Variants in MCPH1 observed in about 807,000 individuals in gnomAD.
MCPH1 encodes the protein microcephalin 1, also known as microcephalin.
Under a neutral mutation model 84.5 loss-of-function variants are expected in MCPH1, and 104 were observed. The observed-to-expected ratio is 1.23, with a 90% confidence interval of 1.05 to 1.45. MCPH1 has a LOEUF of 1.45. Ranked by LOEUF, MCPH1 falls within the 40% of genes most tolerant of loss-of-function variation. The pLI is 0.00. For synonymous variants in MCPH1, 514 were observed against 366.8 expected, an observed-to-expected ratio of 1.40 and a Z score of -4.58; for missense variants, 1,498 against 1,005.7, an observed-to-expected ratio of 1.49 and a Z score of -6.62.
chr8:6,553,813 T>C (rs1824111380), intron 12 of MCPH1, among the ~76,000 whole-genome samples: 1 of 152,142 alleles, frequency 6.6e-6, no homozygotes, highest in Non-Finnish European at 1.5e-5. Flanking sequence ...ACGGTCCTTA[T>C]AAAGTCCCAC....
chr8:6,622,110 C>T (rs1210581111), intron 13 of MCPH1: 1 of 319,666 alleles, frequency 3.1e-6, no homozygotes, highest in East Asian at 8.4e-5. Context: ...GTCATCTCCT[C>T]TCCCAGGTAC....
At position 6,444,769 on chromosome 8, in the gene MCPH1, C is replaced by T. The variant is rs1207051632; in HGVS notation, c.1047C>T (p.Pro349=). ...GCCACCTTTTGATACATTCAAGACCCAGGAGTTCCTCAGTAAAGAGAAAAA... is the reference window on the plus strand; with the variant it reads ...GCCACCTTTTGATACATTCAAGACCTAGGAGTTCCTCAGTAAAGAGAAAAA... ...TKGHLLIHSR[P]RSSSVKRKRV... Residue 349 remains proline, a synonymous_variant, in exon 8 of 14, where the codon CCC becomes CCT. Transcript: ENST00000344683. 1 of 1,613,932 alleles carries T rather than the reference C, an allele frequency of 6.2e-7. No individual in the cohort carries two copies. The highest frequency in any genetic ancestry group is 1.3e-5 in the African/African-American group (1 of 74,898).
chr8:6,630,591 G>T (rs1237486167), intron 13 of MCPH1, among the ~76,000 whole-genome samples: 2 of 152,234 alleles, frequency 1.3e-5, no homozygotes, highest in East Asian at 3.9e-4. Context: ...AGACCAGCCT[G>T]ACCAACACGG....
intron 12 of MCPH1, among the ~76,000 whole-genome samples, chr8:6,503,708 A>C (rs2979666): frequency 0.52 from 78,952 of 152,048 alleles, 21,181 homozygotes; most frequent in African/African-American, 0.63. Flanking sequence ...TGAAGTTTAA[A>C]CTAAAATATT....
At chr8:6,498,664 C>T (rs571130486) in intron 11 of MCPH1, among the ~76,000 whole-genome samples, 7 of 152,278 alleles carry the variant, frequency 4.6e-5, no homozygotes, top group Non-Finnish European at 7.4e-5. Context: ...GTCACTGGTA[C>T]GTTGTATTTC....
chr8:6,473,392 A>G (rs1013529494), intron 9 of MCPH1, among the ~76,000 whole-genome samples: 1 of 129,116 alleles, frequency 7.7e-6, no homozygotes, highest in African/African-American at 3.1e-5. Flanking sequence ...GTGCAGTGGC[A>G]CGATCTTGGC....
chr8:6,542,858 GA>G (rs577893518), intron 12 of MCPH1, among the ~76,000 whole-genome samples: 92 of 152,242 alleles, frequency 6.0e-4, no homozygotes, highest in Middle Eastern at 3.4e-3. Context: ...TAAATGGCTA[GA>G]AAAGGGAAAA....
chr8:6,561,065 A>G (rs1825460510), intron 12 of MCPH1, among the ~76,000 whole-genome samples: 1 of 152,242 alleles, frequency 6.6e-6, no homozygotes, highest in Non-Finnish European at 1.5e-5. Flanking sequence ...AGAAATAGGA[A>G]GTTCAAGTTA....
At chr8:6,520,880 A>C (rs1480989595) in intron 12 of MCPH1, among the ~76,000 whole-genome samples, 2 of 152,236 alleles carry the variant, frequency 1.3e-5, no homozygotes, top group African/African-American at 4.8e-5. Context: ...TAAATAAATG[A>C]ATATCGGCTG....
chr8:6,464,372 C>T lies in MCPH1; in HGVS notation c.1935+9120C>T, dbSNP rs78023007. On this transcript the variant is annotated intron_variant, in intron 9 of 13. Coordinates refer to ENST00000344683, the MANE Select transcript of MCPH1 (RefSeq NM_024596.5). ...GATAGCCTAACAGTTGCTTTCAGCC[C>T]CCATTAGCACGTTGTTTTTTTCTTG... is the stretch of plus-strand genomic sequence containing the variant. Among the ~76,000 whole-genome samples, 341 of 152,234 alleles carry T rather than the reference C, an allele frequency of 2.2e-3. 4 individuals are homozygous for T. The highest frequency in any genetic ancestry group is 7.9e-3 in the African/African-American group (330 of 41,516).
intron 8 of MCPH1, among the ~76,000 whole-genome samples, chr8:6,453,069 G>C (rs1275542785): frequency 6.6e-6 from 1 of 152,212 alleles, no homozygotes; most frequent in African/African-American, 2.4e-5. Flanking sequence ...GGAGTGAGAA[G>C]GGAGCTGATG....
Position 6,643,136 on chromosome 8 carries a change from A to G in MCPH1, c.*87A>G. 1 of 1,173,904 alleles carries G rather than the reference A, an allele frequency of 8.5e-7. No individual in the cohort carries two copies. Among genetic ancestry groups the G allele is most frequent in the South Asian group, 1.3e-5 (1 of 79,354 alleles). The allele number at this position is 1,173,904 out of a possible 1,614,324, so 72.7% of individuals were successfully genotyped here. On this transcript the variant is annotated 3_prime_UTR_variant, in exon 14 of 14. Coordinates refer to ENST00000344683, the MANE Select transcript of MCPH1 (RefSeq NM_024596.5). ...AATGAGAAACAAAACTGTGAAGAGA[A>G]GGAACTGGCGTATACAAGATGACTT...
At chr8:6,525,495 G>C (rs991753991) in intron 12 of MCPH1, among the ~76,000 whole-genome samples, 6 of 152,190 alleles carry the variant, frequency 3.9e-5, no homozygotes, top group Admixed American at 2.6e-4. Flanking sequence ...CTCCCAAAGT[G>C]CTGGGATTAT....
chr8:6,428,602 C>T (rs1479131442), intron 3 of MCPH1, among the ~76,000 whole-genome samples: 1 of 152,238 alleles, frequency 6.6e-6, no homozygotes, highest in African/African-American at 2.4e-5. Context: ...TTCCAATAAG[C>T]GGAATCATAT....
At chr8:6,576,709 T>A (rs1222705093) in intron 12 of MCPH1, among the ~76,000 whole-genome samples, 1 of 102,056 alleles carries the variant, frequency 9.8e-6, no homozygotes, top group African/African-American at 4.4e-5. Context: ...TTTTTTTTTT[T>A]TTTTTTTTTT....
intron 3 of MCPH1, among the ~76,000 whole-genome samples, chr8:6,429,783 G>A (rs1185692018): frequency 1.3e-5 from 2 of 151,936 alleles, no homozygotes; most frequent in South Asian, 2.1e-4. Flanking sequence ...AATCTTTAGC[G>A]TCTCCTGCCA....
chr8:6,439,113 TA>T lies in MCPH1; in HGVS notation c.580+21del, dbSNP rs754520356. 9 of 1,610,184 alleles carry T rather than the reference TA, an allele frequency of 5.6e-6. No individual in the cohort carries two copies. In the South Asian group the frequency reaches 9.9e-5, roughly 18 times the overall value. On this transcript the variant is annotated intron_variant, in intron 6 of 13. Transcript: ENST00000344683. Reference sequence around the variant, plus strand: ...CCCCCACCTGTAAGTAATTAGTTTGTAAAATGAAAATTATGCAAATAGCCGA... The same window carrying T: ...CCCCCACCTGTAAGTAATTAGTTTGTAAATGAAAATTATGCAAATAGCCGA...
intron 12 of MCPH1, among the ~76,000 whole-genome samples, chr8:6,572,456 T>C (rs946606149): frequency 6.6e-6 from 1 of 152,234 alleles, no homozygotes; most frequent in Admixed American, 6.5e-5. Flanking sequence ...ATGATTGTTA[T>C]TACAATTGTT....
intron 12 of MCPH1, among the ~76,000 whole-genome samples, chr8:6,613,878 C>T (rs947127656): frequency 6.6e-6 from 1 of 152,100 alleles, no homozygotes; most frequent in Non-Finnish European, 1.5e-5. Flanking sequence ...AGACTTGATG[C>T]AGAGTTTCAG....
Sources: gnomAD v4.1 joint callset for allele counts (sites outside exome capture counted in the v4.1 genomes callset) on GRCh38, gnomAD v4.1.1 for gene constraint, MANE v1.5 for transcripts, NCBI Gene and HGNC (gene_info 2026-07-23, HGNC 2026-07-21) for gene names.